Variants in SERINC2 observed in about 807,000 individuals in gnomAD.
SERINC2 encodes serine incorporator 2.
Under a neutral mutation model 54.2 loss-of-function variants are expected in SERINC2, and 56 were observed. The observed-to-expected ratio is 1.03, with a 90% CI of 0.83 to 1.29. The LOEUF (loss-of-function observed/expected upper bound fraction) is 1.29. SERINC2 is among the 50% of genes most tolerant of loss of function. The pLI is 0.00. For missense variants in SERINC2, 614 were observed against 607.4 expected (o/e 1.01, Z -0.12); for synonymous variants, 272 against 253.1 (o/e 1.07, Z -0.71).
chr1:31,413,056 C>A, upstream of SERINC2: 1 of 751,952 alleles, frequency 1.3e-6, no homozygotes, highest in Non-Finnish European at 1.6e-6. This position sits in a 1 kb window ranked among gnomAD's most constrained non-coding sequence, Gnocchi z 5.0. Flanking sequence ...GAATCCCCGA[C>A]CGGCCCCTTC....
chr1:31,415,116 T>G (rs543677713), intron 1 of SERINC2, among the ~76,000 whole-genome samples: 84 of 152,302 alleles, frequency 5.5e-4, no homozygotes, highest in Admixed American at 6.5e-4. Flanking sequence ...CCGGAGAAGA[T>G]AGCTGACTTT....
intron 1 of SERINC2, among the ~76,000 whole-genome samples, chr1:31,420,786 G>A (rs868946158): frequency 1.1e-4 from 17 of 152,170 alleles, no homozygotes; most frequent in African/African-American, 3.4e-4. Flanking sequence ...GAAGCTTAAT[G>A]TAGATAAAGT....
intron 1 of SERINC2, among the ~76,000 whole-genome samples, chr1:31,420,979 T>G (rs1272225682): frequency 6.6e-6 from 1 of 152,146 alleles, no homozygotes; most frequent in African/African-American, 2.4e-5. Flanking sequence ...ATACCCAGAA[T>G]GTTCTTTATA....
Position 31,434,500 on chromosome 1 carries a change from G to C in SERINC2, c.*301G>C, listed in dbSNP as rs71646321. ...GGATGAAAGGGCTCCCTTGTCCTCAGGCTCCACGGGAGCGGGGCTGCTGGA... is the reference window on the plus strand; with the variant it reads ...GGATGAAAGGGCTCCCTTGTCCTCACGCTCCACGGGAGCGGGGCTGCTGGA... On this transcript the variant is annotated 3_prime_UTR_variant, in exon 10 of 10. Coordinates refer to ENST00000373709, the MANE Select transcript of SERINC2 (RefSeq NM_178865.5). The C allele has an allele frequency of 2.5e-6, 1 of 401,348 alleles. No individual in the cohort carries two copies. The highest frequency in any genetic ancestry group is 4.5e-6 in the Non-Finnish European group (1 of 221,254). The allele number at this position is 401,348 out of a possible 1,614,324, so 24.9% of individuals were successfully genotyped here. A position where few individuals can be genotyped will look rare whatever the true frequency, so the allele number is the denominator to read the frequency against.
Position 31,433,007 on chromosome 1 carries a change from C to G in SERINC2, c.1054C>G (p.Gln352Glu). 1 of 1,611,672 alleles carries G rather than the reference C, an allele frequency of 6.2e-7. No individual in the cohort carries two copies. Among genetic ancestry groups the G allele is most frequent in the Non-Finnish European group, 8.5e-7 (1 of 1,179,750 alleles). ...CCACCGGCAGGTGAACAGCCTGATG[C>G]AGACCGAGGAGTGCCCACCTATGCT... ...SDHRQVNSLM[Q>E]TEECPPMLDA... The change falls in exon 9 of 10, where the codon CAG becomes GAG. Residue 352 changes from glutamine (Q) to glutamate (E), a missense_variant. Coordinates refer to ENST00000373709, the MANE Select transcript of SERINC2 (RefSeq NM_178865.5).
rs554532517 is a variant in SERINC2, at chr1:31,421,808, T to C, written c.40-1885T>C. On this transcript the variant is annotated intron_variant, in intron 1 of 9. Coordinates refer to ENST00000373709, the MANE Select transcript of SERINC2 (RefSeq NM_178865.5). ...TGCTGGTGCCTATGTGGTCTGGCCTTGCCAGCCTGTCTGACCTCATACTCA... is the reference window on the plus strand; with the variant it reads ...TGCTGGTGCCTATGTGGTCTGGCCTCGCCAGCCTGTCTGACCTCATACTCA... Among the ~76,000 whole-genome samples, 160 of 152,028 alleles carry C rather than the reference T, an allele frequency of 1.1e-3. No homozygotes were observed. In the Middle Eastern group the frequency reaches 0.014, roughly 13 times the overall value.
upstream of SERINC2, among the ~76,000 whole-genome samples, chr1:31,411,007 C>T (rs1553131408): frequency 6.6e-6 from 1 of 152,156 alleles, no homozygotes; most frequent in African/African-American, 2.4e-5. Flanking sequence ...ATCAGACTGT[C>T]AGTCACAGAA....
Position 31,424,720 on chromosome 1 carries a change from C to T in SERINC2, c.239C>T (p.Thr80Ile), listed in dbSNP as rs781806817. ...WVCEEGAGIPTVLQGHIDCGS... is the reference protein window; with the variant it reads ...WVCEEGAGIPIVLQGHIDCGS... ...TGTGAGGAGGGGGCCGGGATCCCCA[C>T]CGTCCTGCAGGGCCACATCGACTGT... Residue 80 changes from threonine to isoleucine, a missense_variant, in exon 3 of 10, where the codon ACC becomes ATC. Thr to Ile is a moderately conservative substitution (Grantham distance 89, BLOSUM62 -1). Coordinates refer to ENST00000373709, the MANE Select transcript of SERINC2 (RefSeq NM_178865.5). The T allele has an allele frequency of 6.2e-7, 1 of 1,608,048 alleles. No homozygotes were observed. Among genetic ancestry groups the T allele is most frequent in the South Asian group, 1.1e-5 (1 of 89,918 alleles).
At chr1:31,432,828 G>T (rs781789682) in intron 8 of SERINC2, 139 bp from the exon 9 acceptor site, 1 of 650,248 alleles carries the variant, frequency 1.5e-6, no homozygotes, top group Non-Finnish European at 2.7e-6. Flanking sequence ...TAGGGGTAGA[G>T]TTGAGAGGCA....
chr1:31,430,608 A>C (rs781845557), intron 8 of SERINC2, among the ~76,000 whole-genome samples: 3 of 152,180 alleles, frequency 2.0e-5, no homozygotes, highest in African/African-American at 4.8e-5. Context: ...GAGTTTGCCA[A>C]ATTAAGTGTT....
chr1:31,428,126 G>T (rs181638627), intron 6 of SERINC2, among the ~76,000 whole-genome samples: 1 of 151,886 alleles, frequency 6.6e-6, no homozygotes, highest in South Asian at 2.1e-4. Flanking sequence ...ACCAACCTTC[G>T]CCTCCCAGGT....
chr1:31,414,821 T>C, intron 1 of SERINC2: 1 of 978,194 alleles, frequency 1.0e-6, no homozygotes, highest in Non-Finnish European at 1.2e-6. Flanking sequence ...GTGGAGATGT[T>C]GAGGGGCAGC....
chr1:31,411,856 C>G (rs928129946), upstream of SERINC2, among the ~76,000 whole-genome samples: 10 of 151,786 alleles, frequency 6.6e-5, no homozygotes, highest in Non-Finnish European at 1.5e-5. Flanking sequence ...AAAAAATTAG[C>G]TGGGTGTGGT....
chr1:31,413,115 C>T, upstream of SERINC2: 1 of 1,001,340 alleles, frequency 1.0e-6, no homozygotes, highest in Non-Finnish European at 1.2e-6. This position sits in a 1 kb window ranked among gnomAD's most constrained non-coding sequence, Gnocchi z 5.0. Flanking sequence ...TGGGGAGGCC[C>T]CGAGCGCCGC....
At chr1:31,432,775 T>C (rs1357703688) in intron 8 of SERINC2, among the ~76,000 whole-genome samples, 192 bp from the exon 9 acceptor site, 2 of 151,832 alleles carry the variant, frequency 1.3e-5, no homozygotes, top group Non-Finnish European at 1.5e-5. Context: ...CTCAGAGAGG[T>C]TAAGTGTTTT....
At chr1:31,416,085 C>G (rs1553132170) in intron 1 of SERINC2, among the ~76,000 whole-genome samples, 1 of 152,162 alleles carries the variant, frequency 6.6e-6, no homozygotes, top group African/African-American at 2.4e-5. Flanking sequence ...AGCTTTGCCT[C>G]TTCGCATCTC....
upstream of SERINC2, chr1:31,413,169 C>CCGGGGA (rs1640685051): frequency 1.2e-6 from 1 of 859,916 alleles, no homozygotes; most frequent in African/African-American, 2.2e-5. The surrounding 1 kb of genome is among the most constrained non-coding windows in gnomAD (Gnocchi z 5.0). Context: ...GGGGCCGGGG[C>CCGGGGA]GGGGCCGGGG....
upstream of SERINC2, chr1:31,410,518 C>T (rs2148507521): frequency 6.6e-7 from 1 of 1,523,146 alleles, no homozygotes; most frequent in Non-Finnish European, 8.8e-7. Context: ...ACAGTGGCAG[C>T]ATATTACCTT....
chr1:31,422,298 CAA>C (rs112581286), intron 1 of SERINC2, among the ~76,000 whole-genome samples: 1 of 136,228 alleles, frequency 7.3e-6, no homozygotes, highest in African/African-American at 2.8e-5. Flanking sequence ...GACCCTGTCT[CAA>C]AAAAAAAAAA....
Sources: allele counts gnomAD v4.1 joint callset (sites outside exome capture counted in the v4.1 genomes callset), GRCh38; gene constraint gnomAD v4.1.1; non-coding constraint Gnocchi (gnomAD v3.1); transcripts MANE v1.5; gene names NCBI Gene and HGNC (gene_info 2026-07-23, HGNC 2026-07-21).